Variants in CCDC186 observed in about 807,000 individuals in gnomAD.
CCDC186 encodes coiled-coil domain-containing protein 186.
In CCDC186, 49 loss-of-function variants were observed where a neutral mutation model predicts 113.7. The observed-to-expected ratio is 0.43, with a 90% CI of 0.34 to 0.55. CCDC186 has a LOEUF of 0.55. Ranked by LOEUF, CCDC186 falls within the 20% of genes least tolerant of loss-of-function variation. The pLI is 0.02. For synonymous variants in CCDC186, 355 were observed against 345.8 expected, an observed-to-expected ratio of 1.03 and a Z score of -0.30; for missense variants, 890 against 1,011.1, an observed-to-expected ratio of 0.88 and a Z score of 1.62.
At chr10:114,168,924 T>C (rs544257371) in intron 1 of CCDC186, among the ~76,000 whole-genome samples, 5 of 152,206 alleles carry the variant, frequency 3.3e-5, no homozygotes, top group Non-Finnish European at 5.9e-5. Flanking sequence ...TACTAAGAGA[T>C]ACATTTCCAA....
chr10:114,150,879 G>C (rs748311879), intron 4 of CCDC186, among the ~76,000 whole-genome samples: 4 of 152,280 alleles, frequency 2.6e-5, no homozygotes, highest in Non-Finnish European at 5.9e-5. Flanking sequence ...TCAAACTCCT[G>C]ACCTCAGGCA....
At chr10:114,147,532 T>C (rs895675043) in intron 4 of CCDC186, among the ~76,000 whole-genome samples, 2 of 152,162 alleles carry the variant, frequency 1.3e-5, no homozygotes, top group Non-Finnish European at 2.9e-5. Context: ...TTAGGAGATA[T>C]CAAGTTATTT....
rs1346367663 is a variant in CCDC186 at position 114,124,533 on chromosome 10, A to C, written c.*610T>G. 1 of 152,232 alleles carries C rather than the reference A, an allele frequency of 6.6e-6. No individual in the cohort carries two copies. The highest frequency in any genetic ancestry group is 2.4e-5 in the African/African-American group (1 of 41,466). The allele number at this position is 152,232 out of a possible 1,614,324, so 9.4% of individuals were successfully genotyped here. On this transcript the variant is annotated 3_prime_UTR_variant, in exon 16 of 16. Coordinates refer to ENST00000369287, the MANE Select transcript of CCDC186 (RefSeq NM_018017.4). The stretch of plus-strand genomic sequence containing the variant: ...GAATCTGAAAAAATGTACCTAAAAC[A>C]GATAAGAAAACCTGACAGAGGCAAA...
At chr10:114,135,132 T>C (rs377658272) in intron 9 of CCDC186, 77 bp from the exon 10 acceptor site, 2 of 1,354,184 alleles carry the variant, frequency 1.5e-6, no homozygotes, top group South Asian at 1.6e-5. Flanking sequence ...TGGTTACATA[T>C]GAATAATCTA....
At chr10:114,140,391 G>A (rs1174675043) in intron 6 of CCDC186, among the ~76,000 whole-genome samples, 3 of 152,230 alleles carry the variant, frequency 2.0e-5, no homozygotes, top group African/African-American at 7.2e-5. Flanking sequence ...TGAGCAATGA[G>A]ATGGAATGAG....
rs958654367 is a variant in CCDC186 at position 114,125,988 on chromosome 10, G to A, written c.2511C>T (p.Ser837=). 2 of 1,613,992 alleles carry A rather than the reference G, an allele frequency of 1.2e-6. No homozygotes were observed. Among genetic ancestry groups the A allele is most frequent in the Non-Finnish European group, 1.7e-6 (2 of 1,179,928 alleles). Residue 837 remains serine, a synonymous_variant, in exon 15 of 16, where the codon TCC becomes TCT. Coordinates refer to ENST00000369287, the MANE Select transcript of CCDC186 (RefSeq NM_018017.4). ...RGGIMASLYT[S]HPADNGLTLE... ...ATGTTAATCCATTGTCAGCTGGATG[G>A]GATGTATATAAAGATGCCATGATGC... is the stretch of plus-strand genomic sequence containing the variant.
rs779826914 is a variant in CCDC186, at chr10:114,163,177, G to T, written c.92C>A (p.Ser31Tyr). The T allele has an allele frequency of 3.7e-6, 6 of 1,613,826 alleles. No homozygotes were observed. The African/African-American group carries it at 6.7e-5, about 18-fold the overall frequency. Residue 31 changes from serine to tyrosine, a missense_variant, in exon 2 of 16, where the codon TCT becomes TAT. Transcript: ENST00000369287. ...ELKEDSCNLF[S>Y]GNESSKLENE... Reference sequence around the variant, plus strand: ...TTCTAATTTGCTGCTTTCATTGCCAGAAAACAAGTTGCATGAGTCTTCCTT... The same window carrying T: ...TTCTAATTTGCTGCTTTCATTGCCATAAAACAAGTTGCATGAGTCTTCCTT...
At chr10:114,130,149 A>G (rs1410351553) in intron 12 of CCDC186, 178 bp from the exon 13 acceptor site, 1 of 478,930 alleles carries the variant, frequency 2.1e-6, no homozygotes, top group African/African-American at 2.0e-5. Flanking sequence ...GAAATGTAAA[A>G]GTCAAGTACA....
At chr10:114,144,740 C>T in intron 5 of CCDC186, 124 bp from the exon 6 acceptor site, 2 of 786,934 alleles carry the variant, frequency 2.5e-6, no homozygotes, top group South Asian at 2.4e-5. Context: ...CTATAGCCCA[C>T]AGACTATAAA....
At position 114,144,489 on chromosome 10, in the gene CCDC186, G is replaced by A. The variant is rs541447175; in HGVS notation, c.1221+8C>T. 6.2e-7 allele frequency: 1 copy of A among 1,611,902 alleles called. No homozygotes were observed. The highest frequency in any genetic ancestry group is 1.7e-5 in the Admixed American group (1 of 59,832). ...CTAATCATTATTCCATTGTATTACA[G>A]TACGTACCTTGTGTGAATCCATTTC... On this transcript the variant is annotated splice_region_variant and intron_variant, in intron 6 of 15. Coordinates refer to ENST00000369287, the MANE Select transcript of CCDC186 (RefSeq NM_018017.4).
chr10:114,144,416 C>A, intron 6 of CCDC186, 81 bp downstream of exon 6: 1 of 1,477,744 alleles, frequency 6.8e-7, no homozygotes, highest in Non-Finnish European at 9.1e-7. Flanking sequence ...AGCGAGACTC[C>A]GTCTCAAAAA....
At chr10:114,131,842 A>G in intron 11 of CCDC186, 87 bp downstream of exon 11, 1 of 1,206,084 alleles carries the variant, frequency 8.3e-7, no homozygotes, top group Non-Finnish European at 1.1e-6. Context: ...AAAGAACTTA[A>G]TTCAACTACT....
intron 10 of CCDC186, among the ~76,000 whole-genome samples, chr10:114,132,584 A>T (rs2031122590): frequency 6.6e-6 from 1 of 152,136 alleles, no homozygotes; most frequent in South Asian, 2.1e-4. Flanking sequence ...CAATTGTTCC[A>T]CTCTGCCATT....
chr10:114,155,123 T>A (rs567857196), intron 3 of CCDC186, among the ~76,000 whole-genome samples: 1 of 152,324 alleles, frequency 6.6e-6, no homozygotes, highest in South Asian at 2.1e-4. Flanking sequence ...CTAATGTGTG[T>A]TGCATTTCTT....
At chr10:114,154,014 A>C (rs1171039383) in intron 3 of CCDC186, among the ~76,000 whole-genome samples, 1 of 151,916 alleles carries the variant, frequency 6.6e-6, no homozygotes, top group African/African-American at 2.4e-5. Flanking sequence ...GTTCGAGACG[A>C]GCCTGGGAAA....
At chr10:114,133,343 T>C (rs1356067702) in intron 10 of CCDC186, among the ~76,000 whole-genome samples, 1 of 152,170 alleles carries the variant, frequency 6.6e-6, no homozygotes, top group Non-Finnish European at 1.5e-5. Context: ...ACATGGATGC[T>C]GCACTCATCA....
intron 6 of CCDC186, 71 bp downstream of exon 6, chr10:114,144,426 A>AC (rs71303586): frequency 0.09 from 137,860 of 1,539,682 alleles, 6,842 homozygotes; most frequent in Non-Finnish European, 0.1. Flanking sequence ...CGTCTCAAAA[A>AC]AAAAACAAAA....
chr10:114,127,358 T>C, intron 14 of CCDC186, 103 bp downstream of exon 14: 1 of 1,055,544 alleles, frequency 9.5e-7, no homozygotes, highest in Admixed American at 2.7e-5. Flanking sequence ...ATAATTATTT[T>C]TTGAAAGATA....
At chr10:114,157,499 A>C in intron 3 of CCDC186, 55 bp downstream of exon 3, 2 of 1,487,260 alleles carry the variant, frequency 1.3e-6, no homozygotes, top group Non-Finnish European at 1.8e-6. Flanking sequence ...GCTGCCAGGA[A>C]TGTATTTATT....
Sources: gnomAD v4.1 joint callset for allele counts (sites outside exome capture counted in the v4.1 genomes callset) on GRCh38, gnomAD v4.1.1 for gene constraint, MANE v1.5 for transcripts, NCBI Gene and HGNC (gene_info 2026-07-23, HGNC 2026-07-21) for gene names.